FOXP4: variants seen among roughly 807,000 people sequenced by gnomAD.
FOXP4 encodes the protein forkhead box P4.
A neutral mutation model predicts 82.6 loss-of-function variants in FOXP4; 25 were observed. That is an observed-to-expected ratio of 0.30 (90% confidence interval 0.22 to 0.42). The LOEUF is 0.42. Among genes scored for constraint, FOXP4 ranks in the 10% least tolerant of loss-of-function variants. FOXP4 has a pLI of 1.00. For synonymous variants in FOXP4, 415 were observed against 388.2 expected (o/e 1.07, Z -0.81); for missense variants, 785 against 900.9 (o/e 0.87, Z 1.65).
At chr6:41,590,653 C>T (rs570975973) in intron 12 of FOXP4, among the ~76,000 whole-genome samples, 65 of 152,130 alleles carry the variant, frequency 4.3e-4, no homozygotes, top group Non-Finnish European at 7.1e-4. Context: ...GGTCACTCTT[C>T]GTCTCTCTCC....
chr6:41,589,662 G>T, intron 9 of FOXP4, 109 bp from the exon 10 acceptor site: 2 of 1,109,844 alleles, frequency 1.8e-6, no homozygotes, highest in South Asian at 2.8e-5. Flanking sequence ...GGAGGCGAAT[G>T]GGGGTGGGAA....
intron 1 of FOXP4, among the ~76,000 whole-genome samples, chr6:41,555,042 A>C (rs536075165): frequency 3.4e-4 from 52 of 152,206 alleles, no homozygotes; most frequent in Admixed American, 3.1e-3. Context: ...AGTTGAGCTC[A>C]GTTTGAGACC....
chr6:41,574,198 AC>A (rs1245027187), intron 2 of FOXP4, among the ~76,000 whole-genome samples: 5 of 151,814 alleles, frequency 3.3e-5, no homozygotes, highest in African/African-American at 1.2e-4. Flanking sequence ...TCCCCTTCTC[AC>A]TGGAGGGCTG....
intron 2 of FOXP4, among the ~76,000 whole-genome samples, chr6:41,571,522 C>A (rs1263753559): frequency 6.6e-6 from 1 of 152,206 alleles, no homozygotes; most frequent in Admixed American, 6.5e-5. Flanking sequence ...GAAATCGGGG[C>A]TGTACACCCA....
At chr6:41,575,148 T>G (rs1335258829) in intron 2 of FOXP4, among the ~76,000 whole-genome samples, 1 of 152,146 alleles carries the variant, frequency 6.6e-6, no homozygotes, top group Non-Finnish European at 1.5e-5. Context: ...TTTTGTATTT[T>G]TAGTAGAGAC....
intron 16 of FOXP4, among the ~76,000 whole-genome samples, chr6:41,598,550 G>A (rs774884088): frequency 1.3e-5 from 2 of 151,910 alleles, no homozygotes; most frequent in Non-Finnish European, 1.5e-5. Context: ...TCCTCCGTTC[G>A]CTCATCTCCC....
rs965334808 is a variant in FOXP4, at chr6:41,582,724, G to A, written c.301-2045G>A. ...ATGCCGTTGTCTGCCTCCAACCCCA[G>A]GCCCACCACATCCACCCCTGCAGCC... is the stretch of plus-strand genomic sequence containing the variant. On this transcript the variant is annotated intron_variant, in intron 3 of 16. Coordinates refer to ENST00000307972, the MANE Select transcript of FOXP4 (RefSeq NM_001012426.2). 1.6e-4 allele frequency among the ~76,000 whole-genome samples: 20 copies of A among 128,382 alleles called. No homozygotes were observed. The Admixed American group carries it at 1.6e-3, about 10-fold the overall frequency. 84.2% of individuals were successfully genotyped at this position (128,382 alleles called of 152,430 possible).
chr6:41,596,482 T>A (rs1253349847), intron 14 of FOXP4, among the ~76,000 whole-genome samples: 1 of 152,154 alleles, frequency 6.6e-6, no homozygotes, highest in African/African-American at 2.4e-5. Flanking sequence ...AGGGAAGCCA[T>A]CCCCTGGTGA....
intron 3 of FOXP4, among the ~76,000 whole-genome samples, chr6:41,579,975 GT>G (rs1445380805): frequency 1.3e-5 from 2 of 151,710 alleles, no homozygotes; most frequent in African/African-American, 4.8e-5. Flanking sequence ...GGTTAAGAAA[GT>G]TGTCCAAAGT....
intron 1 of FOXP4, among the ~76,000 whole-genome samples, chr6:41,549,826 G>A (rs9381076): frequency 0.35 from 53,112 of 151,030 alleles, 9,858 homozygotes; most frequent in African/African-American, 0.47. Flanking sequence ...GTCTCCCCAG[G>A]AAGCCTTCCC....
intron 1 of FOXP4, among the ~76,000 whole-genome samples, chr6:41,552,811 G>GATGAT (rs1358561837): frequency 1.3e-5 from 2 of 152,156 alleles, no homozygotes; most frequent in Non-Finnish European, 2.9e-5. Context: ...TGTGCTCAGA[G>GATGAT]ATGATTTTGT....
chr6:41,587,048 C>A lies in FOXP4; in HGVS notation c.550C>A (p.Leu184Met). 1 of 1,605,312 alleles carries A rather than the reference C, an allele frequency of 6.2e-7. No individual in the cohort carries two copies. ...NKQLAFQQQL[L>M]QMQQLQQQHL... ...GCAGCTGGCCTTCCAGCAGCAGCTCCTGCAAATGCAACAGTTGCAGCAGCA... is the reference window on the plus strand; with the variant it reads ...GCAGCTGGCCTTCCAGCAGCAGCTCATGCAAATGCAACAGTTGCAGCAGCA... The change falls in exon 6 of 17, where the codon CTG (leucine) becomes ATG (methionine). Residue 184 changes from leucine to methionine, a missense_variant. By Grantham distance (15) the Leu-to-Met change is conservative. Around this residue, in one of 3 missense-constraint regions of FOXP4, gnomAD observed 570 missense variants for 634.0 expected, o/e 0.90. Transcript: ENST00000307972.
intron 1 of FOXP4, among the ~76,000 whole-genome samples, chr6:41,547,949 C>G (rs954656756): frequency 1.3e-5 from 2 of 152,244 alleles, no homozygotes; most frequent in African/African-American, 2.4e-5. Flanking sequence ...CCGGCCGCCC[C>G]CATAAAGGAC....
At chr6:41,565,640 G>A in intron 1 of FOXP4, 105 bp from the exon 2 acceptor site, 1 of 1,030,790 alleles carries the variant, frequency 9.7e-7, no homozygotes, top group Non-Finnish European at 1.4e-6. Flanking sequence ...AGAAGTAGAT[G>A]CCCAGCTACT....
intron 2 of FOXP4, chr6:41,570,490 C>A: frequency 2.4e-6 from 1 of 424,614 alleles, no homozygotes; most frequent in Non-Finnish European, 4.9e-6. Context: ...CTCCCAGGTC[C>A]CTGAGAGCCA....
intron 14 of FOXP4, 145 bp downstream of exon 14, chr6:41,595,136 G>C (rs1766756031): frequency 2.4e-6 from 3 of 1,254,470 alleles, no homozygotes; most frequent in Non-Finnish European, 1.1e-6. Flanking sequence ...GAGCAGAGGA[G>C]ACTAGTGCTT....
intron 1 of FOXP4, among the ~76,000 whole-genome samples, chr6:41,555,841 T>G (rs1283453412): frequency 6.6e-6 from 1 of 152,184 alleles, no homozygotes. Context: ...TAATTTGCAT[T>G]AGTAACAAGC....
chr6:41,585,035 T>C, intron 4 of FOXP4, 144 bp downstream of exon 4: 1 of 1,212,794 alleles, frequency 8.2e-7, no homozygotes, highest in East Asian at 2.6e-5. Flanking sequence ...TCCTCTAGGG[T>C]AGTGGGGAGA....
chr6:41,598,892 G>T lies in FOXP4; in HGVS notation c.1999G>T (p.Asp667Tyr). ...PNPSASGPPE[D>Y]RDLEEELPGE... The stretch of plus-strand genomic sequence containing the variant: ...CCCCAGCGCCTCGGGGCCTCCGGAA[G>T]ACAGGGACCTGGAGGAGGAGCTGCC... The change falls in exon 17 of 17, where the codon GAC (aspartate) becomes TAC (tyrosine). Residue 667 changes from aspartate (D) to tyrosine (Y), a missense_variant. Around this residue, in one of 3 missense-constraint regions of FOXP4, gnomAD observed 184 missense variants for 187.3 expected, o/e 0.98. Transcript: ENST00000307972. 6.2e-7 allele frequency: 1 copy of T among 1,607,214 alleles called. No individual in the cohort carries two copies. Among genetic ancestry groups the T allele is most frequent in the Non-Finnish European group, 8.5e-7 (1 of 1,177,852 alleles).
Sources: gnomAD v4.1 joint callset for allele counts (sites outside exome capture counted in the v4.1 genomes callset) on GRCh38, gnomAD v4.1.1 for gene constraint, gnomAD v4.1.1 regional missense constraint, MANE v1.5 for transcripts, NCBI Gene and HGNC (gene_info 2026-07-23, HGNC 2026-07-21) for gene names.